Variants in CANX observed in about 807,000 individuals in gnomAD.
CANX encodes epididymis secretory sperm binding protein.
Under a neutral mutation model 75.7 loss-of-function variants are expected in CANX, and 14 were observed. The ratio of observed to expected loss-of-function variants is 0.19; its 90% CI spans 0.12 to 0.29. CANX has a LOEUF of 0.29. Among genes scored for constraint, CANX ranks in the 10% least tolerant of loss-of-function variants. The pLI is 1.00. For missense variants in CANX, 567 were observed against 713.2 expected, an observed-to-expected ratio of 0.79 and a Z score of 2.34; for synonymous variants, 227 against 236.9, an observed-to-expected ratio of 0.96 and a Z score of 0.38.
chr5:179,714,524 A>T (rs572079899), intron 7 of CANX, among the ~76,000 whole-genome samples: 2,834 of 146,122 alleles, frequency 0.019, 44 homozygotes, highest in African/African-American at 0.046. Flanking sequence ...ATTTATTTTT[A>T]TTTTTTTTTT....
intron 5 of CANX, 98 bp downstream of exon 5, chr5:179,708,478 A>T: frequency 8.8e-7 from 1 of 1,132,616 alleles, no homozygotes; most frequent in African/African-American, 1.6e-5. Flanking sequence ...ATGAGATTAT[A>T]TAAGTGGTGG....
rs975200414 is a variant in CANX, at chr5:179,681,058, C to G, written c.-4+2281C>G. The G allele has an allele frequency of 5.6e-6, 4 of 710,866 alleles. No homozygotes were observed. In the African/African-American group the frequency reaches 7.0e-5, roughly 13 times the overall value. 44.0% of individuals were successfully genotyped at this position (710,866 alleles called of 1,614,324 possible). A position where few individuals can be genotyped will look rare whatever the true frequency, so the allele number is the denominator to read the frequency against. ...CTAGTCCCATCTCTGACCCACTCAG[C>G]TCTTGTCCACCTGCTATGACTCACA... is the stretch of plus-strand genomic sequence containing the variant. On this transcript the variant is annotated intron_variant, in intron 1 of 14. Transcript: ENST00000681674.
At chr5:179,690,219 G>C (rs967934545) in intron 1 of CANX, among the ~76,000 whole-genome samples, 7 of 152,192 alleles carry the variant, frequency 4.6e-5, no homozygotes, top group Non-Finnish European at 8.8e-5. Flanking sequence ...TTCTGTGATA[G>C]TCTGTTAGTG....
At chr5:179,717,967 C>T (rs1489033391) in intron 8 of CANX, among the ~76,000 whole-genome samples, 1 of 152,078 alleles carries the variant, frequency 6.6e-6, no homozygotes, top group Non-Finnish European at 1.5e-5. Context: ...CTACCCGCCT[C>T]AGCCTCCCAA....
chr5:179,679,351 C>T (rs1775993732), intron 1 of CANX: 1 of 1,165,194 alleles, frequency 8.6e-7, no homozygotes, highest in Admixed American at 2.9e-5. Flanking sequence ...CTTAGCCCTG[C>T]AGCTACGGCT....
chr5:179,683,210 C>G (rs1332679434), intron 1 of CANX, among the ~76,000 whole-genome samples: 2 of 152,194 alleles, frequency 1.3e-5, no homozygotes, highest in Non-Finnish European at 2.9e-5. Flanking sequence ...CTCACTGCGA[C>G]CTCCACTTCG....
Position 179,719,737 on chromosome 5 carries a change from G to C in CANX, c.981G>C (p.Glu327Asp), listed in dbSNP as rs748457502. 2.5e-6 allele frequency: 4 copies of C among 1,612,490 alleles called. No homozygotes were observed. The Admixed American group carries it at 6.7e-5, about 27-fold the overall frequency. Residue 327 changes from glutamate to aspartate, a missense_variant, in exon 9 of 15, where the codon GAG becomes GAC. Around this residue, in one of 3 missense-constraint regions of CANX, gnomAD observed 351 missense variants for 433.8 expected, o/e 0.81. Transcript: ENST00000247461. ...ATKPEGWLDDEPEYVPDPDAE... is the reference protein window; with the variant it reads ...ATKPEGWLDDDPEYVPDPDAE... The stretch of plus-strand genomic sequence containing the variant: ...AACCCGAAGGCTGGTTAGATGATGA[G>C]CCTGAGTACGTACCTGATCCAGACG...
At chr5:179,684,430 C>G (rs922200651) in intron 1 of CANX, among the ~76,000 whole-genome samples, 11 of 150,370 alleles carry the variant, frequency 7.3e-5, no homozygotes, top group Admixed American at 6.7e-4. Flanking sequence ...AGCTCCACCT[C>G]CCGGGTTCAC....
chr5:179,705,626 A>T, intron 1 of CANX, 53 bp from the exon 2 acceptor site: 1 of 1,355,292 alleles, frequency 7.4e-7, no homozygotes, highest in Non-Finnish European at 1.0e-6. Context: ...AGTGATCTTC[A>T]TGAAGTTTGA....
Position 179,716,116 on chromosome 5 carries a change from G to A in CANX, c.733G>A (p.Asp245Asn), listed in dbSNP as rs1219967178. The A allele has an allele frequency of 1.9e-6, 3 of 1,606,444 alleles. No homozygotes were observed. The highest frequency in any genetic ancestry group is 2.6e-6 in the Non-Finnish European group (3 of 1,173,458). Residue 245 changes from aspartate (D) to asparagine (N), a missense_variant, in exon 8 of 15, where the codon GAT (aspartate) becomes AAT (asparagine). Asp to Asn is a conservative substitution (Grantham distance 23). Around this residue, in one of 3 missense-constraint regions of CANX, gnomAD observed 351 missense variants for 433.8 expected, o/e 0.81. Transcript: ENST00000247461. ...AATGTTTCTTTCAGTCTTGAATCCA[G>A]ATAATAGTTTTGAAATACTGGTTGA... The part of the protein sequence containing the change: ...THLYTLILNP[D>N]NSFEILVDQS...
chr5:179,709,286 C>G (rs1461110700), intron 6 of CANX, among the ~76,000 whole-genome samples: 1 of 151,978 alleles, frequency 6.6e-6, no homozygotes, highest in African/African-American at 2.4e-5. Context: ...TGGTGGCAGG[C>G]GCCTGTAGTC....
chr5:179,680,882 G>T, intron 1 of CANX: 4 of 1,536,698 alleles, frequency 2.6e-6, no homozygotes, highest in Non-Finnish European at 3.5e-6. Context: ...CCATCCCCAA[G>T]ATCTGGTTCA....
chr5:179,714,974 A>T (rs758473138), intron 7 of CANX, among the ~76,000 whole-genome samples: 8 of 152,134 alleles, frequency 5.3e-5, no homozygotes, highest in South Asian at 4.1e-4. Flanking sequence ...CATGTTGGCC[A>T]GGCTGGTCTC....
chr5:179,714,359 C>A (rs556528908), intron 7 of CANX, among the ~76,000 whole-genome samples: 3 of 152,098 alleles, frequency 2.0e-5, no homozygotes, highest in African/African-American at 7.2e-5. Context: ...CACACGTACC[C>A]CGAAAATATG....
chr5:179,702,861 C>A (rs1449498519), intron 1 of CANX, among the ~76,000 whole-genome samples: 2 of 151,992 alleles, frequency 1.3e-5, no homozygotes. Flanking sequence ...ACTCCACTTC[C>A]CGGGTTCAAG....
chr5:179,720,534 C>T lies in CANX; in HGVS notation c.1156C>T (p.Pro386Ser). ...CAATTATAAAGGCAAATGGAAGCCT[C>T]CTATGATTGACAATCCCAGTTACCA... ...NPNYKGKWKP[P>S]MIDNPSYQGI... Residue 386 changes from proline to serine, a missense_variant, in exon 10 of 15, where the codon CCT (proline) becomes TCT (serine). By Grantham distance (74) the Pro-to-Ser change is moderately conservative. Transcript: ENST00000247461. 1.2e-6 allele frequency: 2 copies of T among 1,614,066 alleles called. No homozygotes were observed. Among genetic ancestry groups the T allele is most frequent in the South Asian group, 2.2e-5 (2 of 91,074 alleles).
intron 11 of CANX, among the ~76,000 whole-genome samples, chr5:179,723,268 C>T (rs1778430449): frequency 6.6e-6 from 1 of 151,342 alleles, no homozygotes; most frequent in African/African-American, 2.4e-5. Flanking sequence ...CGAAATTTGT[C>T]ATTTAGGCTA....
At chr5:179,702,334 G>A (rs1182142484) in intron 1 of CANX, among the ~76,000 whole-genome samples, 5 of 151,772 alleles carry the variant, frequency 3.3e-5, no homozygotes, top group South Asian at 2.1e-4. Flanking sequence ...TTACACGCGC[G>A]AGCCACGATG....
chr5:179,681,820 C>T (rs936683650), intron 1 of CANX, among the ~76,000 whole-genome samples: 3 of 151,904 alleles, frequency 2.0e-5, no homozygotes, highest in Admixed American at 6.6e-5. Context: ...TGGTGGCATG[C>T]GACTGTAGTC....
Sources: allele counts gnomAD v4.1 joint callset (sites outside exome capture counted in the v4.1 genomes callset), GRCh38; gene constraint gnomAD v4.1.1; regional missense constraint gnomAD v4.1.1; transcripts MANE v1.5; gene names NCBI Gene and HGNC (gene_info 2026-07-23, HGNC 2026-07-21).